USP4: variants seen among roughly 807,000 people sequenced by gnomAD.
USP4 encodes ubiquitin specific peptidase 4.
In USP4, 72 loss-of-function variants were observed where a neutral mutation model predicts 118.2. The ratio of observed to expected loss-of-function variants is 0.61; its 90% CI spans 0.50 to 0.74. USP4 has a LOEUF of 0.74. Ranked by LOEUF, USP4 falls within the 30% of genes least tolerant of loss-of-function variation. USP4 has a pLI of 0.00. For missense variants in USP4, 1,037 were observed against 1,185.7 expected (o/e 0.87, Z 1.84); for synonymous variants, 415 against 440.4 (o/e 0.94, Z 0.72).
chr3:49,301,190 C>T (rs762898820), intron 10 of USP4, among the ~76,000 whole-genome samples: 36 of 152,076 alleles, frequency 2.4e-4, no homozygotes, highest in Non-Finnish European at 4.4e-4. Flanking sequence ...ATGCTCCCAC[C>T]TCAGCCTCCA....
rs557463152 is a variant in USP4, at chr3:49,338,675, A to G, written c.101+1249T>C. On this transcript the variant is annotated intron_variant, in intron 1 of 21. Coordinates refer to ENST00000265560, the MANE Select transcript of USP4 (RefSeq NM_003363.4). ...GAAATTCCTTCTCAAAAAAAAAAAA[A>G]AAAAGAAAAGAAAAGAAAAGAAAAC... Among the ~76,000 whole-genome samples, 792 of 150,876 alleles carry G rather than the reference A, an allele frequency of 5.2e-3. 9 individuals carry two copies. The highest frequency in any genetic ancestry group is 0.015 in the African/African-American group (604 of 40,880).
At chr3:49,286,030 G>C in intron 16 of USP4, 68 bp downstream of exon 16, 3 of 1,465,026 alleles carry the variant, frequency 2.0e-6, no homozygotes, top group Non-Finnish European at 2.9e-6. Flanking sequence ...TGAGTGTCAA[G>C]TGTAAGGATT....
chr3:49,321,624 C>T (rs1559477743), intron 6 of USP4, among the ~76,000 whole-genome samples: 1 of 152,100 alleles, frequency 6.6e-6, no homozygotes, highest in African/African-American at 2.4e-5. Flanking sequence ...TGTGCCACTG[C>T]ACCGGGCTAA....
chr3:49,281,491 T>TATACACACAC (rs1242949530), intron 19 of USP4, among the ~76,000 whole-genome samples: 25 of 126,540 alleles, frequency 2.0e-4, no homozygotes, highest in African/African-American at 4.9e-4. Flanking sequence ...TATATATATA[T>TATACACACAC]ACACACACAC....
chr3:49,286,998 C>T (rs1385427053), intron 15 of USP4, among the ~76,000 whole-genome samples: 2 of 151,762 alleles, frequency 1.3e-5, no homozygotes, highest in Admixed American at 6.6e-5. Flanking sequence ...TACAGGTGTG[C>T]GCCACCATGC....
chr3:49,334,109 G>A (rs2047646304), intron 2 of USP4, among the ~76,000 whole-genome samples: 1 of 152,158 alleles, frequency 6.6e-6, no homozygotes, highest in African/African-American at 2.4e-5. Flanking sequence ...CCAAAATGTG[G>A]TAACAGAGAC....
intron 2 of USP4, among the ~76,000 whole-genome samples, chr3:49,334,301 A>G (rs934865514): frequency 6.6e-6 from 1 of 152,240 alleles, no homozygotes; most frequent in African/African-American, 2.4e-5. Context: ...AAAATGAGAA[A>G]AAGAACAAAA....
chr3:49,320,311 G>A (rs908812266), intron 6 of USP4, among the ~76,000 whole-genome samples: 5 of 152,038 alleles, frequency 3.3e-5, no homozygotes, highest in African/African-American at 4.8e-5. Context: ...GCGTGGTGGC[G>A]CATGCCTGTA....
chr3:49,324,626 G>A, intron 6 of USP4, 76 bp downstream of exon 6: 1 of 1,362,598 alleles, frequency 7.3e-7, no homozygotes, highest in Non-Finnish European at 1.0e-6. Flanking sequence ...ATTTTTCTTA[G>A]TACAAGTACT....
chr3:49,278,688 G>T, intron 21 of USP4, 126 bp downstream of exon 21: 2 of 883,736 alleles, frequency 2.3e-6, no homozygotes, highest in Non-Finnish European at 3.6e-6. Context: ...ATGCCAGCCA[G>T]CTCTGTCACA....
intron 1 of USP4, 48 bp from the exon 2 acceptor site, chr3:49,335,644 A>AT (rs745645619): frequency 1.2e-6 from 2 of 1,607,624 alleles, no homozygotes; most frequent in South Asian, 2.2e-5. Context: ...GAGATTATAA[A>AT]TTTCTGCAGC....
At chr3:49,329,253 G>C (rs769099137) in intron 2 of USP4, among the ~76,000 whole-genome samples, 2 of 152,096 alleles carry the variant, frequency 1.3e-5, no homozygotes, top group Non-Finnish European at 2.9e-5. Context: ...TCTAATTCTA[G>C]TTCTCTTGCT....
intron 6 of USP4, among the ~76,000 whole-genome samples, chr3:49,314,327 C>A (rs2047414034): frequency 6.6e-6 from 1 of 152,200 alleles, no homozygotes; most frequent in Non-Finnish European, 1.5e-5. Context: ...CTCTCACCTT[C>A]CCATAAGGAA....
intron 21 of USP4, 37 bp from the exon 22 acceptor site, chr3:49,278,488 G>A (rs2046984919): frequency 3.1e-6 from 5 of 1,597,208 alleles, no homozygotes; most frequent in South Asian, 1.1e-5. Context: ...TTCAGTGCTT[G>A]GAAAAATCAC....
chr3:49,291,130 A>C (rs865811550), intron 15 of USP4, among the ~76,000 whole-genome samples: 2 of 151,698 alleles, frequency 1.3e-5, no homozygotes, highest in Non-Finnish European at 2.9e-5. Flanking sequence ...CACCACGCCT[A>C]ATTTTTTGTA....
At chr3:49,285,974 C>A (rs913824669) in intron 16 of USP4, 124 bp downstream of exon 16, 9 of 888,630 alleles carry the variant, frequency 1.0e-5, no homozygotes, top group Non-Finnish European at 1.6e-5. Context: ...AAGGGTCATA[C>A]AAGTGCTGCT....
At chr3:49,317,447 T>C in intron 6 of USP4, 1 of 826,982 alleles carries the variant, frequency 1.2e-6, no homozygotes, top group South Asian at 1.4e-5. Context: ...TGCAGCGCCA[T>C]GCCCTGCTGG....
chr3:49,294,358 G>A (rs1460892473), intron 14 of USP4, 49 bp downstream of exon 14: 2 of 1,568,112 alleles, frequency 1.3e-6, no homozygotes, highest in African/African-American at 2.7e-5. Flanking sequence ...ACTATTACTG[G>A]GTATATCTTC....
intron 8 of USP4, among the ~76,000 whole-genome samples, chr3:49,307,011 C>T (rs992346754): frequency 1.3e-5 from 2 of 151,526 alleles, no homozygotes; most frequent in South Asian, 4.2e-4. Flanking sequence ...CTGGAACTCC[C>T]GACCTCAGGT....
Sources: gnomAD v4.1 joint callset for allele counts (sites outside exome capture counted in the v4.1 genomes callset) on GRCh38, gnomAD v4.1.1 for gene constraint, MANE v1.5 for transcripts, NCBI Gene and HGNC (gene_info 2026-07-23, HGNC 2026-07-21) for gene names.